CDH18: variants seen among roughly 807,000 people sequenced by gnomAD.
CDH18 encodes the protein cadherin 18.
A neutral mutation model predicts 67.9 loss-of-function variants in CDH18; 31 were observed. The observed-to-expected ratio is 0.46, with a 90% CI of 0.34 to 0.62. The LOEUF (loss-of-function observed/expected upper bound fraction) is 0.62, where lower values mean the gene tolerates loss of function less well. Ranked by LOEUF, CDH18 falls within the 20% of genes least tolerant of loss-of-function variation. CDH18 has a pLI of 0.01. For synonymous variants in CDH18, 362 were observed against 347.2 expected (o/e 1.04, Z -0.48); for missense variants, 890 against 975.5 (o/e 0.91, Z 1.17).
At chr5:20,060,948 A>G (rs2150508400) in intron 2 of CDH18, among the ~76,000 whole-genome samples, 1 of 152,140 alleles carries the variant, frequency 6.6e-6, no homozygotes, top group Non-Finnish European at 1.5e-5. Context: ...ACATGATGCA[A>G]GAAAAAAAAA....
chr5:20,446,166 T>C (rs1325246256), intron 1 of CDH18, among the ~76,000 whole-genome samples: 1 of 151,956 alleles, frequency 6.6e-6, no homozygotes, highest in Admixed American at 6.6e-5. Context: ...GAAGATACAG[T>C]TTTAGGTTAC....
intron 5 of CDH18, among the ~76,000 whole-genome samples, chr5:19,682,805 C>T (rs1760526136): frequency 6.6e-6 from 1 of 152,010 alleles, no homozygotes; most frequent in Non-Finnish European, 1.5e-5. Context: ...ATATGCAGGA[C>T]ATGAAGTGTT....
At chr5:19,961,868 T>G (rs1234653021) in intron 2 of CDH18, among the ~76,000 whole-genome samples, 2 of 152,112 alleles carry the variant, frequency 1.3e-5, no homozygotes, top group Non-Finnish European at 2.9e-5. Flanking sequence ...TTGCAGTAAT[T>G]ATTGCATTAG....
intron 1 of CDH18, among the ~76,000 whole-genome samples, chr5:20,514,552 A>G (rs1755240933): frequency 6.6e-6 from 1 of 152,114 alleles, no homozygotes; most frequent in Non-Finnish European, 1.5e-5. Context: ...TTTGGTGGCA[A>G]GTGACATATG....
chr5:20,059,678 G>A (rs1191746883), intron 2 of CDH18, among the ~76,000 whole-genome samples: 1 of 152,116 alleles, frequency 6.6e-6, no homozygotes, highest in African/African-American at 2.4e-5. Context: ...GTTTATTGCA[G>A]CACTGTTCAC....
In CDH18 at chr5:19,666,234, ATTT is replaced by A. The variant is rs1167848028; in HGVS notation, c.644-53636_644-53634del. Among the ~76,000 whole-genome samples, 161 of 114,004 alleles carry A rather than the reference ATTT, an allele frequency of 1.4e-3. 1 individual carries two copies. Among genetic ancestry groups the A allele is most frequent in the African/African-American group, 6.8e-3 (144 of 21,168 alleles). 74.8% of individuals were successfully genotyped at this position (114,004 alleles called of 152,430 possible). On this transcript the variant is annotated intron_variant, in intron 5 of 12. Coordinates refer to ENST00000382275, the MANE Select transcript of CDH18 (RefSeq NM_004934.5). ...ACAGTCATGTCCCCACGCCTGTATG[ATTT>A]TTATTATTATTATTATTATTATTAT...
intron 5 of CDH18, among the ~76,000 whole-genome samples, chr5:19,704,563 T>G (rs2150496629): frequency 6.6e-6 from 1 of 152,162 alleles, no homozygotes; most frequent in African/African-American, 2.4e-5. Context: ...AGGAATTGCG[T>G]CAAGCAGAAA....
chr5:20,182,482 A>G (rs1737764251), intron 2 of CDH18, among the ~76,000 whole-genome samples: 1 of 151,632 alleles, frequency 6.6e-6, no homozygotes, highest in Non-Finnish European at 1.5e-5. Flanking sequence ...CATGCCTATA[A>G]TCCCAGCTAC....
intron 2 of CDH18, among the ~76,000 whole-genome samples, chr5:19,901,070 T>C (rs1012673670): frequency 1.3e-5 from 2 of 152,192 alleles, no homozygotes; most frequent in African/African-American, 4.8e-5. Context: ...AATTAAATTG[T>C]AACTTTGGAT....
chr5:19,776,604 A>G (rs549048341), intron 3 of CDH18, among the ~76,000 whole-genome samples: 4 of 152,322 alleles, frequency 2.6e-5, no homozygotes, highest in African/African-American at 9.6e-5. Context: ...AGTGTCATAC[A>G]TTGACAGTGG....
chr5:20,388,958 T>G (rs1003008581), intron 1 of CDH18, among the ~76,000 whole-genome samples: 2 of 152,078 alleles, frequency 1.3e-5, no homozygotes, highest in African/African-American at 4.8e-5. Context: ...TGCTGAGGAG[T>G]GCTTTACTTC....
chr5:19,570,428 C>G (rs1741196824), intron 8 of CDH18, among the ~76,000 whole-genome samples: 1 of 152,092 alleles, frequency 6.6e-6, no homozygotes, highest in Non-Finnish European at 1.5e-5. Flanking sequence ...CAGAAAATTG[C>G]TTCACTACAT....
intron 8 of CDH18, among the ~76,000 whole-genome samples, chr5:19,553,377 G>A (rs1737800283): frequency 6.6e-6 from 1 of 151,310 alleles, no homozygotes. Flanking sequence ...TGCACGTTGT[G>A]AACATGTACC....
intron 2 of CDH18, among the ~76,000 whole-genome samples, chr5:20,138,066 TA>T (rs1316812033): frequency 6.6e-6 from 1 of 151,876 alleles, no homozygotes; most frequent in East Asian, 1.9e-4. Context: ...AAATCCTCAA[TA>T]AAATACTGGC....
At chr5:19,906,387 A>C (rs1790540326) in intron 2 of CDH18, among the ~76,000 whole-genome samples, 1 of 152,006 alleles carries the variant, frequency 6.6e-6, no homozygotes, top group African/African-American at 2.4e-5. Flanking sequence ...TCAATTTATT[A>C]AATTGAATAT....
At chr5:20,154,721 T>C (rs1159932325) in intron 2 of CDH18, among the ~76,000 whole-genome samples, 3 of 152,176 alleles carry the variant, frequency 2.0e-5, no homozygotes, top group African/African-American at 7.2e-5. Flanking sequence ...ATGATCTTGT[T>C]AAAATTCAGC....
intron 2 of CDH18, among the ~76,000 whole-genome samples, chr5:19,902,432 T>G (rs971141149): frequency 2.6e-5 from 4 of 152,098 alleles, no homozygotes; most frequent in Admixed American, 1.3e-4. Flanking sequence ...GCTGCCCTTG[T>G]GGAAGTGGCC....
chr5:19,861,371 G>C (rs1388320187), intron 2 of CDH18, among the ~76,000 whole-genome samples: 1 of 152,076 alleles, frequency 6.6e-6, no homozygotes, highest in East Asian at 1.9e-4. Context: ...CCAGGAGCCG[G>C]GAGGAGGCTA....
chr5:20,010,207 C>T (rs1737298344), intron 2 of CDH18, among the ~76,000 whole-genome samples: 1 of 148,510 alleles, frequency 6.7e-6, no homozygotes, highest in Non-Finnish European at 1.5e-5. Flanking sequence ...CTACCATCTT[C>T]CATCTCTTAA....
Sources: gnomAD v4.1 joint callset for allele counts (sites outside exome capture counted in the v4.1 genomes callset) on GRCh38, gnomAD v4.1.1 for gene constraint, MANE v1.5 for transcripts, NCBI Gene and HGNC (gene_info 2026-07-23, HGNC 2026-07-21) for gene names.